The following SNX31 variants were observed in gnomAD, a reference collection of about 807,000 sequenced individuals.
SNX31 encodes the protein sorting nexin 31, also known as sorting nexin-31.
A neutral mutation model predicts 65.4 loss-of-function variants in SNX31; 58 were observed. That is an observed-to-expected ratio of 0.89 (90% CI 0.72 to 1.10). The LOEUF (loss-of-function observed/expected upper bound fraction) is 1.10. SNX31 is among the 50% of genes least tolerant of loss of function. The pLI is 0.00. For missense variants in SNX31, 523 were observed against 529.7 expected (o/e 0.99, Z 0.12); for synonymous variants, 181 against 190.1 (o/e 0.95, Z 0.39).
intron 8 of SNX31, among the ~76,000 whole-genome samples, chr8:100,605,810 G>C (rs1439213368): frequency 6.6e-6 from 1 of 152,130 alleles, no homozygotes; most frequent in Non-Finnish European, 1.5e-5. Context: ...GATGCTCGAA[G>C]CTCTGACCTC....
At chr8:100,633,007 C>G (rs533805637) in intron 3 of SNX31, among the ~76,000 whole-genome samples, 1 of 152,280 alleles carries the variant, frequency 6.6e-6, no homozygotes, top group East Asian at 1.9e-4. Context: ...TTACTGCAGC[C>G]TGAAACTCCT....
chr8:100,661,644 T>A (rs967280665), intron 1 of SNX31, among the ~76,000 whole-genome samples: 76 of 150,434 alleles, frequency 5.1e-4, no homozygotes, highest in Non-Finnish European at 1.1e-3. Context: ...TCCTCTCACC[T>A]CGGCCTCCCA....
upstream of SNX31, among the ~76,000 whole-genome samples, chr8:100,653,495 G>A (rs1820008077): frequency 6.6e-6 from 1 of 152,190 alleles, no homozygotes; most frequent in African/African-American, 2.4e-5. Flanking sequence ...AGACACAGAG[G>A]AGAAGGCCAC....
rs1819776632 is a variant in SNX31 at position 100,648,260 on chromosome 8, A to G, written c.141+1014T>C. On this transcript the variant is annotated intron_variant, in intron 2 of 13. Coordinates refer to ENST00000311812, the MANE Select transcript of SNX31 (RefSeq NM_152628.4). The surrounding 1 kb of genome is among the most constrained non-coding windows in gnomAD (Gnocchi z 4.3). ...GAGACTGTCTGAAAAAACTCTCTCA[A>G]AACAAGCAAACAAACAAAAACAGCT... 6.7e-6 allele frequency among the ~76,000 whole-genome samples: 1 copy of G among 150,144 alleles called. No individual in the cohort carries two copies. Among genetic ancestry groups the G allele is most frequent in the African/African-American group, 2.5e-5 (1 of 40,698 alleles).
chr8:100,611,249 TG>T (rs150317171), intron 7 of SNX31, among the ~76,000 whole-genome samples: 2,565 of 152,304 alleles, frequency 0.017, 79 homozygotes, highest in African/African-American at 0.056. Context: ...AAATCAGATC[TG>T]GTTGTAATCA....
At chr8:100,656,379 C>G (rs574429307) in intron 1 of SNX31, among the ~76,000 whole-genome samples, 27 of 150,628 alleles carry the variant, frequency 1.8e-4, no homozygotes, top group African/African-American at 5.8e-4. Flanking sequence ...GTGACTTACA[C>G]CTGTAATTCC....
intron 9 of SNX31, among the ~76,000 whole-genome samples, chr8:100,599,829 T>C (rs1025650611): frequency 6.6e-6 from 1 of 152,194 alleles, no homozygotes; most frequent in African/African-American, 2.4e-5. Context: ...AATGAATGTT[T>C]AGAAATATAT....
intron 5 of SNX31, among the ~76,000 whole-genome samples, chr8:100,616,967 G>A (rs1310582174): frequency 6.6e-6 from 1 of 152,126 alleles, no homozygotes; most frequent in Non-Finnish European, 1.5e-5. Flanking sequence ...AAAGGGCCTG[G>A]GAGCTTGCCC....
At position 100,640,027 on chromosome 8, in the gene SNX31, AT is replaced by A. The variant is rs370203964; in HGVS notation, c.142-4017del. On this transcript the variant is annotated intron_variant, in intron 2 of 13. Transcript: ENST00000311812. ...GTAGTAGTGAAATATGACCCAAAGT[AT>A]AAAGTGAATATCCATGAGTCCTTAC... Among the ~76,000 whole-genome samples the A allele has an allele frequency of 9.2e-3, 1,401 of 152,376 alleles. 16 individuals carry two copies. Among genetic ancestry groups the A allele is most frequent in the African/African-American group, 0.032 (1,312 of 41,592 alleles).
At chr8:100,615,465 A>G (rs1186610965) in intron 5 of SNX31, among the ~76,000 whole-genome samples, 1 of 152,190 alleles carries the variant, frequency 6.6e-6, no homozygotes, top group Non-Finnish European at 1.5e-5. Flanking sequence ...AACTTACCCA[A>G]ATTCACACAG....
At chr8:100,601,187 C>T (rs1815592709) in intron 8 of SNX31, among the ~76,000 whole-genome samples, 1 of 152,178 alleles carries the variant, frequency 6.6e-6, no homozygotes, top group Non-Finnish European at 1.5e-5. Flanking sequence ...GTTCTAATTG[C>T]TTCAGAACAA....
upstream of SNX31, among the ~76,000 whole-genome samples, chr8:100,651,877 G>A (rs1000098090): frequency 6.6e-6 from 1 of 152,234 alleles, no homozygotes; most frequent in Admixed American, 6.5e-5. Context: ...GGGATGTGAA[G>A]TAAGTGATCT....
At chr8:100,617,780 T>G (rs79033233) in intron 4 of SNX31, 50 bp from the exon 5 acceptor site, 53 of 1,379,712 alleles carry the variant, frequency 3.8e-5, no homozygotes, top group Non-Finnish European at 5.3e-5. Flanking sequence ...TTTTTTTTTT[T>G]TGGAGGCGGA....
chr8:100,600,983 A>G (rs758489385), intron 8 of SNX31, among the ~76,000 whole-genome samples: 71 of 152,230 alleles, frequency 4.7e-4, no homozygotes, highest in Non-Finnish European at 7.8e-4. Flanking sequence ...CATCACCAAA[A>G]GGAAAATGGG....
upstream of SNX31, among the ~76,000 whole-genome samples, chr8:100,653,122 G>A (rs1031024202): frequency 6.6e-6 from 1 of 152,196 alleles, no homozygotes; most frequent in South Asian, 2.1e-4. Context: ...AGGTTCAGAC[G>A]AGTGAGTCAG....
In SNX31 at chr8:100,630,325, A is replaced by C. The variant is rs139148728; in HGVS notation, c.321+2T>G. ...GGCCCCATTAAAGAAGAGCAAGCTT[A>C]CCAGCTGCGCCAGTTTTAAAAACTC... On this transcript the variant is annotated splice_donor_variant, in intron 4 of 13. Coordinates refer to ENST00000311812, the MANE Select transcript of SNX31 (RefSeq NM_152628.4). LOFTEE classifies it high-confidence loss of function. The surrounding 1 kb of genome is among the most constrained non-coding windows in gnomAD (Gnocchi z 5.3). The C allele has an allele frequency of 4.3e-6, 7 of 1,613,374 alleles. No individual in the cohort carries two copies. Among genetic ancestry groups the C allele is most frequent in the Non-Finnish European group, 5.9e-6 (7 of 1,179,780 alleles).
Position 100,648,619 on chromosome 8 carries a change from A to T in SNX31, c.141+655T>A, listed in dbSNP as rs1438170338. Among the ~76,000 whole-genome samples, 1 of 151,958 alleles carries T rather than the reference A, an allele frequency of 6.6e-6. No individual in the cohort carries two copies. Among genetic ancestry groups the T allele is most frequent in the Non-Finnish European group, 1.5e-5 (1 of 67,998 alleles). The stretch of plus-strand genomic sequence containing the variant: ...CTAATCCATTTTGAAGACTTATAAC[A>T]CCTCCTTATAAGAACAATGAAACCC... On this transcript the variant is annotated intron_variant, in intron 2 of 13. Coordinates refer to ENST00000311812, the MANE Select transcript of SNX31 (RefSeq NM_152628.4). This position sits in a 1 kb window ranked among gnomAD's most constrained non-coding sequence, Gnocchi z 4.3.
At chr8:100,618,312 A>G in intron 4 of SNX31, 1 of 1,532,350 alleles carries the variant, frequency 6.5e-7, no homozygotes, top group Non-Finnish European at 8.7e-7. Context: ...CATCCTTAAC[A>G]GTCTCATAAT....
rs1817977657 is a variant in SNX31, at chr8:100,625,376, T to C, written c.321+4951A>G. 2.0e-5 allele frequency among the ~76,000 whole-genome samples: 3 copies of C among 151,690 alleles called. No homozygotes were observed. The highest frequency in any genetic ancestry group is 2.1e-4 in the South Asian group (1 of 4,756). ...GTTTAGAGCCTGGTGAGTCCACATA[T>C]GGATTTTCTTGGATGCGCACCATGG... On this transcript the variant is annotated intron_variant, in intron 4 of 13. Coordinates refer to ENST00000311812, the MANE Select transcript of SNX31 (RefSeq NM_152628.4). This position sits in a 1 kb window ranked among gnomAD's most constrained non-coding sequence, Gnocchi z 4.2.
Sources: gnomAD v4.1 joint callset for allele counts (sites outside exome capture counted in the v4.1 genomes callset) on GRCh38, gnomAD v4.1.1 for gene constraint, Gnocchi (gnomAD v3.1) non-coding constraint, MANE v1.5 for transcripts, NCBI Gene and HGNC (gene_info 2026-07-23, HGNC 2026-07-21) for gene names.